ATXN1L: variants seen among roughly 807,000 people sequenced by gnomAD.
The protein encoded by ATXN1L is ataxin-1-like.
ATXN1L carries 8 observed loss-of-function variants against 43.4 expected under a neutral mutation model. The observed-to-expected ratio is 0.18, with a 90% CI of 0.11 to 0.33. The LOEUF is 0.33. ATXN1L is among the 10% of genes least tolerant of loss of function. The probability of loss-of-function intolerance (pLI) is 1.00; values close to 1 mark genes in which losing one functional copy is unlikely to be tolerated. For synonymous variants in ATXN1L, 379 were observed against 360.6 expected, an observed-to-expected ratio of 1.05 and a Z score of -0.58; for missense variants, 856 against 885.4, an observed-to-expected ratio of 0.97 and a Z score of 0.42.
Position 71,850,650 on chromosome 16 carries a change from G to C in ATXN1L, c.910G>C (p.Glu304Gln). The change falls in exon 3 of 3, where the codon GAA becomes CAA. Residue 304 changes from glutamate (E) to glutamine (Q), a missense_variant. This residue lies in a region of ATXN1L where 490 missense variants were observed against 449.4 expected (regional missense o/e 1.09). Coordinates refer to ENST00000427980, the MANE Select transcript of ATXN1L (RefSeq NM_001137675.4). The part of the protein sequence containing the change: ...GEGQGLVPVV[E>Q]CVVDGQLFSG... ...AGGCCAGGGACTGGTGCCAGTGGTA[G>C]AATGTGTGGTGGATGGACAGTTGTT... is the stretch of plus-strand genomic sequence containing the variant. 6.4e-7 allele frequency: 1 copy of C among 1,551,768 alleles called. No individual in the cohort carries two copies. The highest frequency in any genetic ancestry group is 1.2e-5 in the South Asian group (1 of 84,068).
rs1422958238 is a variant in ATXN1L at position 71,849,701 on chromosome 16, A to G, written c.-40A>G. The stretch of plus-strand genomic sequence containing the variant: ...GCCCCTTCTGATGCCCCAGGGAGCA[A>G]GTCGACTCCTTCCAGGCTCCAGGAA... On this transcript the variant is annotated 5_prime_UTR_variant, in exon 3 of 3. Transcript: ENST00000427980. 5 of 1,462,348 alleles carry G rather than the reference A, an allele frequency of 3.4e-6. No individual in the cohort carries two copies. The Admixed American group carries it at 1.3e-4, about 38-fold the overall frequency. 90.6% of individuals were successfully genotyped at this position (1,462,348 alleles called of 1,614,324 possible). A position where few individuals can be genotyped will look rare whatever the true frequency, so the allele number is the denominator to read the frequency against.
chr16:71,848,019 C>G lies in ATXN1L; in HGVS notation c.-170C>G. 2.2e-6 allele frequency: 1 copy of G among 455,936 alleles called. No homozygotes were observed. The highest frequency in any genetic ancestry group is 1.5e-5 in the South Asian group (1 of 64,544). 28.2% of individuals were successfully genotyped at this position (455,936 alleles called of 1,614,324 possible). A position where few individuals can be genotyped will look rare whatever the true frequency, so the allele number is the denominator to read the frequency against. On this transcript the variant is annotated 5_prime_UTR_variant, in exon 2 of 3. Coordinates refer to ENST00000427980, the MANE Select transcript of ATXN1L (RefSeq NM_001137675.4). ...TGTTTCTATCTTCTAGGCTCCCGAG[C>G]CAGCCGGGAGGACACTTACTACAGC...
Position 71,851,829 on chromosome 16 carries a change from G to T in ATXN1L, c.*19G>T, listed in dbSNP as rs906449740. The T allele has an allele frequency of 2.5e-5, 36 of 1,412,738 alleles. No individual in the cohort carries two copies. The highest frequency in any genetic ancestry group is 3.5e-5 in the South Asian group (2 of 56,694). 87.5% of individuals were successfully genotyped at this position (1,412,738 alleles called of 1,614,324 possible). A position where few individuals can be genotyped will look rare whatever the true frequency, so the allele number is the denominator to read the frequency against. ...AAAATGAACCTCTTCCCCAGACCAGGACTGGGGCTTTACCCCAGAGCCTCG... is the reference window on the plus strand; with the variant it reads ...AAAATGAACCTCTTCCCCAGACCAGTACTGGGGCTTTACCCCAGAGCCTCG... On this transcript the variant is annotated 3_prime_UTR_variant, in exon 3 of 3. Coordinates refer to ENST00000427980, the MANE Select transcript of ATXN1L (RefSeq NM_001137675.4). The surrounding 1 kb of genome is among the most constrained non-coding windows in gnomAD (Gnocchi z 4.9).
At position 71,851,483 on chromosome 16, in the gene ATXN1L, T is replaced by C. The variant is rs2033501903; in HGVS notation, c.1743T>C (p.Ser581=). The stretch of plus-strand genomic sequence containing the variant: ...TGGGAGATGTCTGCATCTCTATCAG[T>C]TTACAGAGCTTGAACAGTAACTCAG... The part of the protein sequence containing the change: ...LQVGDVCISI[S]LQSLNSNSVS... The change falls in exon 3 of 3, where the codon AGT becomes AGC. Residue 581 remains serine (S), a synonymous_variant. Transcript: ENST00000427980. The surrounding 1 kb of genome is among the most constrained non-coding windows in gnomAD (Gnocchi z 4.9). The C allele has an allele frequency of 6.4e-7, 1 of 1,551,434 alleles. No homozygotes were observed. Among genetic ancestry groups the C allele is most frequent in the Non-Finnish European group, 8.7e-7 (1 of 1,146,936 alleles).
chr16:71,847,632 C>G (rs1283849125), intron 1 of ATXN1L, among the ~76,000 whole-genome samples: 1 of 152,048 alleles, frequency 6.6e-6, no homozygotes, highest in Non-Finnish European at 1.5e-5. Context: ...TTTCCTGCTT[C>G]CCATTGTTCA....
In ATXN1L at chr16:71,852,924, C is replaced by G. The variant is rs2033518914; in HGVS notation, c.*1114C>G. On this transcript the variant is annotated 3_prime_UTR_variant, in exon 3 of 3. Transcript: ENST00000427980. The stretch of plus-strand genomic sequence containing the variant: ...CTCTGGTTTCCCCTTCAGCTATAAT[C>G]TCTATTTTTAAAATCTCAAAATCAT... 1 of 167,102 alleles carries G rather than the reference C, an allele frequency of 6.0e-6. No homozygotes were observed. Among genetic ancestry groups the G allele is most frequent in the South Asian group, 2.1e-4 (1 of 4,824 alleles). 10.4% of individuals were successfully genotyped at this position (167,102 alleles called of 1,614,324 possible).
At chr16:71,848,591 C>T (rs555323672) in intron 2 of ATXN1L, among the ~76,000 whole-genome samples, 2 of 152,218 alleles carry the variant, frequency 1.3e-5, no homozygotes, top group African/African-American at 4.8e-5. Context: ...TGACAGCAAA[C>T]TAGTTTAATC....
chr16:71,856,885 G>C lies in ATXN1L; in HGVS notation c.*5075G>C, dbSNP rs1026113481. The C allele has an allele frequency of 1.2e-5, 2 of 167,040 alleles. No individual in the cohort carries two copies. The highest frequency in any genetic ancestry group is 4.8e-5 in the African/African-American group (2 of 41,428). The allele number at this position is 167,040 out of a possible 1,614,324, so 10.3% of individuals were successfully genotyped here. ...GCACTGGGGAGGTCTGGATGGATCT[G>C]TGTAGGAGTTCCCTGTAGATAAATT... On this transcript the variant is annotated 3_prime_UTR_variant, in exon 3 of 3. Transcript: ENST00000427980.
Position 71,851,137 on chromosome 16 carries a change from C to T in ATXN1L, c.1397C>T (p.Pro466Leu). Residue 466 changes from proline to leucine, a missense_variant, in exon 3 of 3, where the codon CCT (proline) becomes CTT (leucine). By Grantham distance (98) the Pro-to-Leu change is moderately conservative. Around this residue, in one of 7 missense-constraint regions of ATXN1L, gnomAD observed 22 missense variants for 49.3 expected, o/e 0.45. Coordinates refer to ENST00000427980, the MANE Select transcript of ATXN1L (RefSeq NM_001137675.4). The surrounding 1 kb of genome is among the most constrained non-coding windows in gnomAD (Gnocchi z 4.9). ...CCCCCCATTACCTCCTCTCACTTGC[C>T]TTCCCATTTCATGAAAGGCGCCATC... ...TPPPITSSHL[P>L]SHFMKGAIIQ... 1 of 1,551,680 alleles carries T rather than the reference C, an allele frequency of 6.4e-7. No individual in the cohort carries two copies. The highest frequency in any genetic ancestry group is 1.2e-5 in the South Asian group (1 of 84,060).
Sources: gnomAD v4.1 joint callset for allele counts (sites outside exome capture counted in the v4.1 genomes callset) on GRCh38, gnomAD v4.1.1 for gene constraint, gnomAD v4.1.1 regional missense constraint, Gnocchi (gnomAD v3.1) non-coding constraint, MANE v1.5 for transcripts, NCBI Gene and HGNC (gene_info 2026-07-23, HGNC 2026-07-21) for gene names.